L3MBTL4: variants seen among roughly 807,000 people sequenced by gnomAD.
L3MBTL4 encodes L3MBTL histone methyl-lysine binding protein 4.
In L3MBTL4, 70 loss-of-function variants were observed where a neutral mutation model predicts 84.5. That is an observed-to-expected ratio of 0.83 (90% CI 0.68 to 1.01). The LOEUF (loss-of-function observed/expected upper bound fraction) is 1.01. L3MBTL4 is among the 50% of genes least tolerant of loss of function. The pLI is 0.00. For synonymous variants in L3MBTL4, 274 were observed against 259.8 expected (o/e 1.05, Z -0.52); for missense variants, 715 against 754.8 (o/e 0.95, Z 0.62).
intron 15 of L3MBTL4, among the ~76,000 whole-genome samples, chr18:6,087,723 C>T (rs762666708): frequency 5.3e-5 from 8 of 152,034 alleles, no homozygotes; most frequent in South Asian, 2.1e-4. Flanking sequence ...ATATACACAC[C>T]GCTAGAACTG....
intron 14 of L3MBTL4, among the ~76,000 whole-genome samples, chr18:6,120,261 C>T (rs781751839): frequency 1.0e-3 from 155 of 152,304 alleles, no homozygotes; most frequent in Non-Finnish European, 1.8e-3. Flanking sequence ...GCCCAGGGGC[C>T]CGGGGCCTGC....
chr18:6,181,078 G>A (rs2044449594), intron 12 of L3MBTL4, among the ~76,000 whole-genome samples: 1 of 152,076 alleles, frequency 6.6e-6, no homozygotes, highest in Non-Finnish European at 1.5e-5. Flanking sequence ...GTAGATTAGA[G>A]GTTAATAGGG....
intron 1 of L3MBTL4, among the ~76,000 whole-genome samples, chr18:6,347,050 T>C (rs1338830750): frequency 6.6e-6 from 1 of 152,098 alleles, no homozygotes; most frequent in Non-Finnish European, 1.5e-5. Context: ...CCAGAGGGCA[T>C]TACATAAAGT....
intron 14 of L3MBTL4, among the ~76,000 whole-genome samples, chr18:6,100,457 C>T (rs1165909245): frequency 1.3e-5 from 2 of 152,110 alleles, no homozygotes; most frequent in East Asian, 3.9e-4. Flanking sequence ...TGCTTTAATT[C>T]TTGTGAGATG....
intron 13 of L3MBTL4, among the ~76,000 whole-genome samples, chr18:6,160,442 AC>A (rs1257094492): frequency 1.3e-5 from 2 of 152,168 alleles, no homozygotes; most frequent in Non-Finnish European, 2.9e-5. Flanking sequence ...ATCCAAACGC[AC>A]AGAGTTGGCC....
intron 1 of L3MBTL4, among the ~76,000 whole-genome samples, chr18:6,408,895 T>G (rs944500034): frequency 6.6e-6 from 1 of 152,100 alleles, no homozygotes; most frequent in Non-Finnish European, 1.5e-5. Flanking sequence ...CAGGCTGGTC[T>G]CGAACTCCTA....
At chr18:6,038,445 G>A (rs530839972) in intron 16 of L3MBTL4, among the ~76,000 whole-genome samples, 17 of 151,872 alleles carry the variant, frequency 1.1e-4, no homozygotes, top group African/African-American at 3.9e-4. Context: ...TAGTAGAGAC[G>A]GGGTTTCACT....
chr18:6,126,899 T>C (rs1043536100), intron 14 of L3MBTL4, among the ~76,000 whole-genome samples: 3 of 152,192 alleles, frequency 2.0e-5, no homozygotes, highest in African/African-American at 7.2e-5. Context: ...TTTTTAAATT[T>C]CCACCCAGTT....
intron 13 of L3MBTL4, among the ~76,000 whole-genome samples, chr18:6,145,433 T>C (rs1303758364): frequency 1.3e-5 from 2 of 152,132 alleles, no homozygotes; most frequent in South Asian, 2.1e-4. Flanking sequence ...ATTAAGATGG[T>C]CTACTCATTT....
intron 1 of L3MBTL4, among the ~76,000 whole-genome samples, chr18:6,384,511 A>T (rs1472484927): frequency 6.6e-6 from 1 of 152,196 alleles, no homozygotes; most frequent in Non-Finnish European, 1.5e-5. Context: ...TTACTTTTTG[A>T]AAAACAAATA....
chr18:6,170,272 A>C (rs529322806), intron 13 of L3MBTL4, among the ~76,000 whole-genome samples: 2 of 152,296 alleles, frequency 1.3e-5, no homozygotes, highest in African/African-American at 2.4e-5. Context: ...ACTCACTAGC[A>C]GACTACAGGC....
chr18:6,031,153 C>G (rs1801026830), intron 16 of L3MBTL4: 2 of 985,418 alleles, frequency 2.0e-6, no homozygotes, highest in Non-Finnish European at 2.4e-6. Flanking sequence ...AGCTCTTGTC[C>G]TGATTTATGC....
intron 7 of L3MBTL4, 26 bp downstream of exon 7, chr18:6,243,268 C>T (rs373256818): frequency 2.0e-5 from 29 of 1,483,622 alleles, no homozygotes; most frequent in African/African-American, 4.3e-5. Context: ...ATTCTCTTTC[C>T]AGTTGGTAAA....
chr18:6,177,172 C>A (rs548919746), intron 12 of L3MBTL4, among the ~76,000 whole-genome samples: 1 of 152,190 alleles, frequency 6.6e-6, no homozygotes, highest in Non-Finnish European at 1.5e-5. Flanking sequence ...TAAACAAATG[C>A]CCCTTGCAGT....
At chr18:6,277,713 T>C (rs979690066) in intron 4 of L3MBTL4, among the ~76,000 whole-genome samples, 1 of 152,186 alleles carries the variant, frequency 6.6e-6, no homozygotes, top group East Asian at 1.9e-4. Context: ...CCATGTCTTA[T>C]TCAACTTACT....
chr18:6,143,477 C>A (rs575279050), intron 13 of L3MBTL4, among the ~76,000 whole-genome samples: 1 of 152,170 alleles, frequency 6.6e-6, no homozygotes, highest in Non-Finnish European at 1.5e-5. Context: ...AAGAAGCCAT[C>A]CACTAGGGAA....
intron 16 of L3MBTL4, among the ~76,000 whole-genome samples, chr18:5,991,541 A>T (rs978772036): frequency 6.6e-6 from 1 of 152,192 alleles, no homozygotes; most frequent in Non-Finnish European, 1.5e-5. Flanking sequence ...CTATAATAGT[A>T]ACCTGTTTAA....
At chr18:5,990,557 G>C (rs763892964) in intron 16 of L3MBTL4, among the ~76,000 whole-genome samples, 2 of 152,106 alleles carry the variant, frequency 1.3e-5, no homozygotes, top group Non-Finnish European at 2.9e-5. Flanking sequence ...ATATGAAAAA[G>C]GGCTGGGATG....
At chr18:6,338,390 TG>T (rs1468687438) in intron 1 of L3MBTL4, among the ~76,000 whole-genome samples, 1 of 152,124 alleles carries the variant, frequency 6.6e-6, no homozygotes, top group African/African-American at 2.4e-5. Flanking sequence ...TATTGGGTCC[TG>T]AGTTATACTT....
Sources: gnomAD v4.1 joint callset for allele counts (sites outside exome capture counted in the v4.1 genomes callset) on GRCh38, gnomAD v4.1.1 for gene constraint, MANE v1.5 for transcripts, NCBI Gene and HGNC (gene_info 2026-07-23, HGNC 2026-07-21) for gene names.